The following WWOX variants were observed in gnomAD, a reference collection of about 807,000 sequenced individuals.
The protein encoded by WWOX is WW domain containing oxidoreductase.
Under a neutral mutation model 46.2 loss-of-function variants are expected in WWOX, and 69 were observed. That is an observed-to-expected ratio of 1.49 (90% CI 1.23 to 1.82). The LOEUF (loss-of-function observed/expected upper bound fraction) is 1.82, where lower values mean the gene tolerates loss of function less well. Ranked by LOEUF, WWOX falls within the 40% of genes most tolerant of loss-of-function variation. The pLI is 0.00. For missense variants in WWOX, 919 were observed against 542.6 expected (o/e 1.69, Z -6.89); for synonymous variants, 359 against 202.6 (o/e 1.77, Z -6.56).
At chr16:78,126,733 G>A (rs1417954030) in intron 4 of WWOX, among the ~76,000 whole-genome samples, 1 of 152,290 alleles carries the variant, frequency 6.6e-6, no homozygotes, top group East Asian at 1.9e-4. Flanking sequence ...TATTATGCCA[G>A]CTGCAACTCA....
chr16:78,297,211 C>T (rs57160491), intron 5 of WWOX, among the ~76,000 whole-genome samples: 2,583 of 152,200 alleles, frequency 0.017, 89 homozygotes, highest in African/African-American at 0.06. Context: ...GTTTATTTTA[C>T]GGCTCTCGCA....
intron 5 of WWOX, among the ~76,000 whole-genome samples, chr16:78,326,075 C>T (rs1257852763): frequency 6.6e-6 from 1 of 152,110 alleles, no homozygotes; most frequent in Admixed American, 6.5e-5. Flanking sequence ...GAGTGAATCT[C>T]TGTCTGCCTC....
At chr16:78,128,517 C>G (rs1173830844) in intron 4 of WWOX, among the ~76,000 whole-genome samples, 1 of 152,190 alleles carries the variant, frequency 6.6e-6, no homozygotes, top group Non-Finnish European at 1.5e-5. Flanking sequence ...TTAAGTTTCA[C>G]CTGCCCAGGT....
chr16:79,168,531 C>A (rs952383447), intron 8 of WWOX, among the ~76,000 whole-genome samples: 1 of 152,152 alleles, frequency 6.6e-6, no homozygotes, highest in African/African-American at 2.4e-5. Context: ...AGTCTCTCCC[C>A]GCCTCCCTGC....
At chr16:78,589,552 A>G (rs2045302677) in intron 8 of WWOX, among the ~76,000 whole-genome samples, 1 of 152,162 alleles carries the variant, frequency 6.6e-6, no homozygotes, top group Non-Finnish European at 1.5e-5. Flanking sequence ...GCAACTCTTC[A>G]GCGCCTCCCT....
intron 8 of WWOX, among the ~76,000 whole-genome samples, chr16:78,498,875 T>G (rs1597170155): frequency 6.7e-6 from 1 of 149,702 alleles, no homozygotes; most frequent in African/African-American, 2.4e-5. Flanking sequence ...CTGTTTTTTT[T>G]CCTTAAATAC....
chr16:78,234,474 T>G (rs555238833), intron 5 of WWOX, among the ~76,000 whole-genome samples: 4 of 152,310 alleles, frequency 2.6e-5, no homozygotes, highest in African/African-American at 9.6e-5. Context: ...TTTGTACGTC[T>G]CTGCAGAGCT....
intron 7 of WWOX, among the ~76,000 whole-genome samples, chr16:78,426,771 C>G (rs776707654): frequency 4.6e-5 from 7 of 152,180 alleles, no homozygotes; most frequent in African/African-American, 7.2e-5. Context: ...TTAAGCGATT[C>G]TCCTGCCTCA....
At chr16:78,862,787 C>T (rs1386654162) in intron 8 of WWOX, among the ~76,000 whole-genome samples, 1 of 152,020 alleles carries the variant, frequency 6.6e-6, no homozygotes, top group East Asian at 1.9e-4. Context: ...TGTATGAAGC[C>T]ACCCACACTG....
At chr16:78,760,457 T>A (rs990883989) in intron 8 of WWOX, among the ~76,000 whole-genome samples, 1 of 152,180 alleles carries the variant, frequency 6.6e-6, no homozygotes, top group African/African-American at 2.4e-5. Context: ...CAAGGTAGCA[T>A]ACTCACAGGT....
At chr16:78,723,266 A>G (rs982465592) in intron 8 of WWOX, among the ~76,000 whole-genome samples, 5 of 152,104 alleles carry the variant, frequency 3.3e-5, no homozygotes, top group African/African-American at 1.2e-4. Flanking sequence ...TTTTAGAATC[A>G]CCTGGGAAGC....
At chr16:78,468,950 T>C (rs761646798) in intron 8 of WWOX, among the ~76,000 whole-genome samples, 3 of 152,228 alleles carry the variant, frequency 2.0e-5, no homozygotes, top group East Asian at 1.9e-4. Flanking sequence ...GCGAAACTTT[T>C]GGTATGACGA....
chr16:78,929,119 G>GCT (rs1401992407), intron 8 of WWOX, among the ~76,000 whole-genome samples: 1 of 152,078 alleles, frequency 6.6e-6, no homozygotes, highest in Non-Finnish European at 1.5e-5. Flanking sequence ...TGTATTTAAC[G>GCT]CTCTCTCAAG....
At chr16:78,983,867 A>ATTGTT in intron 8 of WWOX, among the ~76,000 whole-genome samples, 1 of 53,882 alleles carries the variant, frequency 1.9e-5, no homozygotes, top group African/African-American at 5.0e-5. Context: ...TATGAGAGCT[A>ATTGTT]TTCTTTTTTT....
intron 8 of WWOX, among the ~76,000 whole-genome samples, chr16:78,746,117 C>G (rs34176142): frequency 0.045 from 6,856 of 152,212 alleles, 335 homozygotes; most frequent in African/African-American, 0.12. Flanking sequence ...GTGATTTGTC[C>G]AAGGACATCG....
At chr16:78,548,534 C>G (rs993368575) in intron 8 of WWOX, among the ~76,000 whole-genome samples, 1 of 152,168 alleles carries the variant, frequency 6.6e-6, no homozygotes, top group Non-Finnish European at 1.5e-5. Context: ...CAGTACATCA[C>G]TGCCTCATTG....
rs377002981 is a variant in WWOX at position 78,465,584 on chromosome 16, A to T, written c.1056+32832A>T. On this transcript the variant is annotated intron_variant, in intron 8 of 8. Transcript: ENST00000566780. ...ACCTTTTCATTAGTAACTCACATGGACCCATAATCTCTGAATTTAACATGC... is the reference window on the plus strand; with the variant it reads ...ACCTTTTCATTAGTAACTCACATGGTCCCATAATCTCTGAATTTAACATGC... Among the ~76,000 whole-genome samples, 107 of 152,328 alleles carry T rather than the reference A, an allele frequency of 7.0e-4. No homozygotes were observed. The South Asian group carries it at 0.012, about 17-fold the overall frequency.
chr16:79,165,807 T>C (rs2050582391), intron 8 of WWOX, among the ~76,000 whole-genome samples: 1 of 152,198 alleles, frequency 6.6e-6, no homozygotes. Context: ...CGAGTCAGCC[T>C]GAACAAATTA....
intron 8 of WWOX, among the ~76,000 whole-genome samples, chr16:79,062,435 C>T (rs2048372410): frequency 6.6e-6 from 1 of 152,030 alleles, no homozygotes; most frequent in Admixed American, 6.6e-5. Context: ...GGAACCAAGG[C>T]CTTTCAAAGT....
Sources: gnomAD v4.1 joint callset for allele counts (sites outside exome capture counted in the v4.1 genomes callset) on GRCh38, gnomAD v4.1.1 for gene constraint, MANE v1.5 for transcripts, NCBI Gene and HGNC (gene_info 2026-07-23, HGNC 2026-07-21) for gene names.